Variants in TSNARE1 observed in about 807,000 individuals in gnomAD.
The protein encoded by TSNARE1 is t-SNARE domain-containing protein 1.
Under a neutral mutation model 62.0 loss-of-function variants are expected in TSNARE1, and 49 were observed. That is an observed-to-expected ratio of 0.79 (90% CI 0.63 to 1.00). TSNARE1 has a LOEUF of 1.00. Ranked by LOEUF, TSNARE1 falls within the 50% of genes least tolerant of loss-of-function variation. TSNARE1 has a pLI of 0.00. For missense variants in TSNARE1, 755 were observed against 700.1 expected, an observed-to-expected ratio of 1.08 and a Z score of -0.88; for synonymous variants, 328 against 294.4, an observed-to-expected ratio of 1.11 and a Z score of -1.17.
At chr8:142,333,716 C>T (rs1831370811) in intron 4 of TSNARE1, among the ~76,000 whole-genome samples, 1 of 152,218 alleles carries the variant, frequency 6.6e-6, no homozygotes, top group Non-Finnish European at 1.5e-5. Flanking sequence ...GCACCCCTGG[C>T]TCCCCAGCAA....
At chr8:142,281,246 C>T (rs1475916131) in intron 11 of TSNARE1, among the ~76,000 whole-genome samples, 1 of 152,118 alleles carries the variant, frequency 6.6e-6, no homozygotes, top group Non-Finnish European at 1.5e-5. Context: ...GGCAGCCTGG[C>T]TCTTCCTCAA....
At chr8:142,252,774 T>C (rs1046069856) in intron 12 of TSNARE1, among the ~76,000 whole-genome samples, 4 of 152,210 alleles carry the variant, frequency 2.6e-5, no homozygotes, top group African/African-American at 9.6e-5. Flanking sequence ...CATGCTGCCG[T>C]GGTGACCTCA....
intron 1 of TSNARE1, among the ~76,000 whole-genome samples, chr8:142,374,932 C>G (rs948076791): frequency 3.3e-5 from 5 of 152,160 alleles, no homozygotes; most frequent in African/African-American, 1.2e-4. Context: ...TTGACAGAAC[C>G]CGCCAGGGAC....
chr8:142,272,948 T>C, intron 12 of TSNARE1: 1 of 985,306 alleles, frequency 1.0e-6, no homozygotes, highest in Non-Finnish European at 1.2e-6. Flanking sequence ...ACTTCACAGA[T>C]GCCTCATCCC....
chr8:142,354,644 C>A lies in TSNARE1; in HGVS notation c.81G>T (p.Gln27His), dbSNP rs766992055. ...PFGGPSRQGC[Q>H]PLECARCWTE... ...TCCAGCTACTATCATTACCTAGGGG[C>A]TGACAGCCTTGTCTCGAAGGTCCCC... The change falls in exon 2 of 14, where the codon CAG becomes CAT. Residue 27 changes from glutamine to histidine, a missense_variant. Physicochemically the swap from Gln to His is conservative, Grantham distance 24. Transcript: ENST00000524325. 3.7e-6 allele frequency: 6 copies of A among 1,612,416 alleles called. No individual in the cohort carries two copies. The highest frequency in any genetic ancestry group is 5.1e-6 in the Non-Finnish European group (6 of 1,179,090).
intron 1 of TSNARE1, among the ~76,000 whole-genome samples, chr8:142,356,859 C>A (rs1390155309): frequency 6.6e-6 from 1 of 152,056 alleles, no homozygotes; most frequent in East Asian, 1.9e-4. Flanking sequence ...GGTTCCAACA[C>A]CTGAGTTCTC....
intron 10 of TSNARE1, among the ~76,000 whole-genome samples, chr8:142,294,757 G>A (rs984361676): frequency 6.6e-6 from 1 of 152,242 alleles, no homozygotes; most frequent in African/African-American, 2.4e-5. Context: ...AGCTGCTGCT[G>A]CAGGGACGGG....
At chr8:142,280,379 G>C in intron 11 of TSNARE1, 1 of 967,550 alleles carries the variant, frequency 1.0e-6, no homozygotes, top group Non-Finnish European at 1.2e-6. Flanking sequence ...AGAGCAGCCA[G>C]GTTCGGGGTC....
chr8:142,312,646 G>A (rs1452803176), intron 9 of TSNARE1, among the ~76,000 whole-genome samples: 1 of 152,174 alleles, frequency 6.6e-6, no homozygotes, highest in African/African-American at 2.4e-5. Flanking sequence ...AGTACTTGTT[G>A]CTTGACTTCT....
At chr8:142,369,181 G>A (rs552873865) in intron 1 of TSNARE1, among the ~76,000 whole-genome samples, 3 of 152,200 alleles carry the variant, frequency 2.0e-5, no homozygotes, top group Non-Finnish European at 4.4e-5. Flanking sequence ...ATGAGCACAG[G>A]AGGAAGCCCA....
rs558516639 is a variant in TSNARE1 at position 142,218,802 on chromosome 8, A to C, written c.*12-6489T>G. Among the ~76,000 whole-genome samples the C allele has an allele frequency of 1.4e-4, 22 of 152,336 alleles. No individual in the cohort carries two copies. In the South Asian group the frequency reaches 3.1e-3, roughly 22 times the overall value. On this transcript the variant is annotated intron_variant, in intron 13 of 13. Transcript: ENST00000524325. ...CTTGGGCAACTGGAGCACCCAGCAC[A>C]TTCACATTCCACTGCTGACACTTTC...
chr8:142,247,765 TA>T (rs1760318819), intron 12 of TSNARE1: 1 of 152,150 alleles, frequency 6.6e-6, no homozygotes. Context: ...GATCCGAACT[TA>T]GTGTGGACAC....
At chr8:142,214,425 C>T (rs1440926182) in intron 13 of TSNARE1, among the ~76,000 whole-genome samples, 2 of 152,210 alleles carry the variant, frequency 1.3e-5, no homozygotes, top group Non-Finnish European at 2.9e-5. Context: ...CTGTGCCCCA[C>T]TGCACCCAGT....
intron 12 of TSNARE1, among the ~76,000 whole-genome samples, chr8:142,261,818 C>T (rs944942853): frequency 2.0e-5 from 3 of 152,212 alleles, no homozygotes; most frequent in East Asian, 1.9e-4. Context: ...CAACATGCTA[C>T]GAGTCTGTCC....
chr8:142,212,812 C>CTGT (rs1815625597), intron 13 of TSNARE1, among the ~76,000 whole-genome samples: 1 of 137,622 alleles, frequency 7.3e-6, no homozygotes, highest in Non-Finnish European at 1.5e-5. Flanking sequence ...ATCCTTCCCC[C>CTGT]CCCTGTCCCT....
intron 13 of TSNARE1, among the ~76,000 whole-genome samples, chr8:142,217,407 G>T (rs7835585): frequency 0.11 from 15,842 of 150,168 alleles, 2,661 homozygotes; most frequent in African/African-American, 0.35. Flanking sequence ...AGCAAGCAAC[G>T]GCGTAAGGAA....
At chr8:142,402,980 C>G (rs2033019439) in intron 1 of TSNARE1, 124 bp downstream of exon 1, 1 of 150,310 alleles carries the variant, frequency 6.7e-6, no homozygotes, top group South Asian at 1.8e-4. Flanking sequence ...TCCCGCAAGC[C>G]CCATACCACG....
intron 1 of TSNARE1, among the ~76,000 whole-genome samples, chr8:142,392,660 C>T (rs1260568095): frequency 6.6e-6 from 1 of 152,178 alleles, no homozygotes; most frequent in Non-Finnish European, 1.5e-5. Context: ...AGAGGCCAGG[C>T]ATGGTGGCTC....
intron 11 of TSNARE1, 57 bp downstream of exon 11, chr8:142,284,356 G>A (rs1475642256): frequency 7.0e-7 from 1 of 1,419,752 alleles, no homozygotes; most frequent in African/African-American, 1.4e-5. Context: ...GAGGGCTGGG[G>A]GCTGGCAGGC....
Sources: gnomAD v4.1 joint callset for allele counts (sites outside exome capture counted in the v4.1 genomes callset) on GRCh38, gnomAD v4.1.1 for gene constraint, MANE v1.5 for transcripts, NCBI Gene and HGNC (gene_info 2026-07-23, HGNC 2026-07-21) for gene names.